Variants in CLEC2B observed in about 807,000 individuals in gnomAD.
CLEC2B encodes the protein C-type lectin domain family 2 member B, also known as C-type (calcium dependent, carbohydrate-recognition domain) lectin, superfamily member 2 (activation-induced).
Under a neutral mutation model 16.2 loss-of-function variants are expected in CLEC2B, and 14 were observed. The observed-to-expected ratio is 0.86, with a 90% CI of 0.57 to 1.35. The LOEUF (loss-of-function observed/expected upper bound fraction) is 1.35, where lower values mean the gene tolerates loss of function less well. Among genes scored for constraint, CLEC2B ranks in the 40% most tolerant of loss-of-function variants. The pLI is 0.00. For missense variants in CLEC2B, 166 were observed against 182.3 expected, an observed-to-expected ratio of 0.91 and a Z score of 0.52; for synonymous variants, 42 against 55.8, an observed-to-expected ratio of 0.75 and a Z score of 1.10.
At chr12:9,867,989 T>A (rs987333569) in intron 1 of CLEC2B, among the ~76,000 whole-genome samples, 1 of 151,650 alleles carries the variant, frequency 6.6e-6, no homozygotes, top group Admixed American at 6.6e-5. Flanking sequence ...AAATAAAATA[T>A]TTGTTAAAAT....
intron 1 of CLEC2B, among the ~76,000 whole-genome samples, chr12:9,865,058 C>T (rs1867960354): frequency 6.6e-6 from 1 of 151,716 alleles, no homozygotes; most frequent in Non-Finnish European, 1.5e-5. Flanking sequence ...TGGTGTATGC[C>T]TGTGATCCTG....
In CLEC2B at chr12:9,854,407, C is replaced by A; in HGVS notation, c.315G>T (p.Trp105Cys). Residue 105 changes from tryptophan (W) to cysteine (C), a missense_variant, in exon 4 of 5, where the codon TGG (tryptophan) becomes TGT (cysteine). Physicochemically the swap from Trp to Cys is radical, Grantham distance 215. Coordinates refer to ENST00000228438, the MANE Select transcript of CLEC2B (RefSeq NM_005127.3). ...LKMAKNRTGQ[W>C]VDGATFTKSF... ...ATTTGGTAAATGTAGCTCCATCTAC[C>A]CATTGTCCTGTTCGATTTTTTGCCA... is the stretch of plus-strand genomic sequence containing the variant. The A allele has an allele frequency of 6.2e-7, 1 of 1,613,012 alleles. No individual in the cohort carries two copies.
At position 9,853,254 on chromosome 12, in the gene CLEC2B, C is replaced by T. The variant is rs201360652; in HGVS notation, c.*46G>A. ...AAAAAAGTACTTTGCTGGTTTTACA[C>T]TTAATAATGTTATTTTCTATTTTCC... On this transcript the variant is annotated 3_prime_UTR_variant, in exon 5 of 5. Coordinates refer to ENST00000228438, the MANE Select transcript of CLEC2B (RefSeq NM_005127.3). 4.4e-5 allele frequency: 63 copies of T among 1,424,784 alleles called. No homozygotes were observed. In the East Asian group the frequency reaches 9.8e-4, roughly 22 times the overall value. 88.3% of individuals were successfully genotyped at this position (1,424,784 alleles called of 1,614,324 possible). A position where few individuals can be genotyped will look rare whatever the true frequency, so the allele number is the denominator to read the frequency against.
chr12:9,853,092 A>AGAGAGAGC lies in CLEC2B; in HGVS notation c.*207_*208insGCTCTCTC. 1 of 461,872 alleles carries AGAGAGAGC rather than the reference A, an allele frequency of 2.2e-6. No homozygotes were observed. The allele number at this position is 461,872 out of a possible 1,614,324, so 28.6% of individuals were successfully genotyped here. A position where few individuals can be genotyped will look rare whatever the true frequency, so the allele number is the denominator to read the frequency against. On this transcript the variant is annotated 3_prime_UTR_variant, in exon 5 of 5. Transcript: ENST00000228438. ...AAGAAAGAAAGAAAGAAAGAGAGAG[A>AGAGAGAGC]GAGAAAGAAAGAAAGAAAAAAACTC...
At chr12:9,863,483 G>T (rs1867948534) in intron 1 of CLEC2B, among the ~76,000 whole-genome samples, 1 of 152,106 alleles carries the variant, frequency 6.6e-6, no homozygotes, top group African/African-American at 2.4e-5. Flanking sequence ...TAATGAAATG[G>T]CAATATGTGA....
chr12:9,860,519 C>T (rs1285176523), intron 2 of CLEC2B, among the ~76,000 whole-genome samples: 6 of 151,592 alleles, frequency 4.0e-5, no homozygotes, highest in African/African-American at 9.7e-5. Flanking sequence ...TACGGAACAC[C>T]GAATCAATAT....
intron 1 of CLEC2B, among the ~76,000 whole-genome samples, chr12:9,866,776 A>G: frequency 6.6e-6 from 1 of 152,168 alleles, no homozygotes; most frequent in Non-Finnish European, 1.5e-5. Context: ...TTCAATTAAA[A>G]AAAAATCTAG....
intron 2 of CLEC2B, 68 bp downstream of exon 2, chr12:9,862,431 A>T (rs1591769718): frequency 1.5e-6 from 2 of 1,310,294 alleles, no homozygotes; most frequent in East Asian, 6.6e-5. Context: ...AAAGATCATG[A>T]CTGAGACAGA....
chr12:9,858,494 A>G (rs1867910813), intron 2 of CLEC2B, among the ~76,000 whole-genome samples: 1 of 152,012 alleles, frequency 6.6e-6, no homozygotes, highest in South Asian at 2.1e-4. Context: ...CTAAGGAAAC[A>G]GAACCTTGAG....
intron 2 of CLEC2B, among the ~76,000 whole-genome samples, chr12:9,858,554 A>G (rs1053904378): frequency 2.0e-5 from 3 of 152,084 alleles, no homozygotes; most frequent in Non-Finnish European, 2.9e-5. Flanking sequence ...AAAGGCATTG[A>G]TCCAACTACC....
intron 2 of CLEC2B, among the ~76,000 whole-genome samples, chr12:9,858,641 C>G (rs253154): frequency 0.57 from 86,180 of 151,406 alleles, 24,649 homozygotes; most frequent in Middle Eastern, 0.61. Context: ...TAGTCATCTG[C>G]TGCCAAGAGT....
chr12:9,853,133 A>C lies in CLEC2B; in HGVS notation c.*167T>G. ...AAAAAAACTCAGCAGAATACCTGTA[A>C]CCATTTTTTGCCAATCTTTGAAGTG... On this transcript the variant is annotated 3_prime_UTR_variant, in exon 5 of 5. Transcript: ENST00000228438. The C allele has an allele frequency of 1.9e-6, 1 of 531,022 alleles. No homozygotes were observed. Among genetic ancestry groups the C allele is most frequent in the South Asian group, 2.5e-5 (1 of 39,428 alleles). 32.9% of individuals were successfully genotyped at this position (531,022 alleles called of 1,614,324 possible).
At position 9,854,421 on chromosome 12, in the gene CLEC2B, G is replaced by A. The variant is rs762516896; in HGVS notation, c.301C>T (p.Arg101Ter). ...GCTCCATCTACCCATTGTCCTGTTC[G>A]ATTTTTTGCCATCTTCAGTCCAATC... Reference protein sequence around the residue: ...HWIGLKMAKNRTGQWVDGATF... With the variant: ...HWIGLKMAKN Residue 101 changes from arginine (R) to a stop codon, truncating the protein, a stop_gained, in exon 4 of 5, where the codon CGA becomes TGA. Transcript: ENST00000228438. LOFTEE classifies it low-confidence loss of function (END_TRUNC). 1.9e-6 allele frequency: 3 copies of A among 1,613,530 alleles called. No individual in the cohort carries two copies. The African/African-American group carries it at 4.0e-5, about 22-fold the overall frequency.
chr12:9,858,684 G>A (rs544675843), intron 2 of CLEC2B, among the ~76,000 whole-genome samples: 223 of 151,772 alleles, frequency 1.5e-3, no homozygotes, highest in African/African-American at 5.2e-3. Flanking sequence ...TACATACACA[G>A]TGTGTATATA....
At chr12:9,859,780 C>T (rs947030350) in intron 2 of CLEC2B, among the ~76,000 whole-genome samples, 17 of 151,504 alleles carry the variant, frequency 1.1e-4, no homozygotes, top group Admixed American at 5.9e-4. Flanking sequence ...TTTATGAAGA[C>T]GTAGGATATA....
intron 3 of CLEC2B, chr12:9,854,725 T>C (rs1867882783): frequency 2.0e-6 from 1 of 498,568 alleles, no homozygotes; most frequent in Admixed American, 3.8e-5. Context: ...TGATAAATGT[T>C]CAATTTGAAT....
chr12:9,857,240 C>T (rs979323805), intron 3 of CLEC2B: 3 of 441,302 alleles, frequency 6.8e-6, no homozygotes, highest in Non-Finnish European at 1.2e-5. Context: ...TCTGTGTACA[C>T]TCTTTAAAAT....
chr12:9,858,512 T>TA (rs1311556830), intron 2 of CLEC2B, among the ~76,000 whole-genome samples: 4 of 151,994 alleles, frequency 2.6e-5, no homozygotes, highest in African/African-American at 9.7e-5. Context: ...GAGGATGAGA[T>TA]ATGGTGTTAG....
Position 9,853,394 on chromosome 12 carries a change from CCT to C in CLEC2B, c.354_355del (p.Gly119GlufsTer2). The stretch of plus-strand genomic sequence containing the variant: ...GCTGAGGTAGGCACATCCTTCACTC[CCT>C]CTCATGCCAAACCTGCAACAAAGGG... On this transcript the variant is annotated frameshift_variant, in exon 5 of 5. Transcript: ENST00000228438. LOFTEE classifies it low-confidence loss of function (END_TRUNC). The C allele has an allele frequency of 1.2e-6, 2 of 1,613,634 alleles. No homozygotes were observed. The highest frequency in any genetic ancestry group is 1.7e-6 in the Non-Finnish European group (2 of 1,179,596).
Sources: allele counts gnomAD v4.1 joint callset (sites outside exome capture counted in the v4.1 genomes callset), GRCh38; gene constraint gnomAD v4.1.1; transcripts MANE v1.5; gene names NCBI Gene and HGNC (gene_info 2026-07-23, HGNC 2026-07-21).